MGAT5: variants seen among roughly 807,000 people sequenced by gnomAD.
The protein encoded by MGAT5 is alpha-1,6-mannosylglycoprotein 6-beta-N-acetylglucosaminyltransferase, also known as alpha-1,6-mannosylglycoprotein 6-beta-N-acetylglucosaminyltransferase A.
Under a neutral mutation model 94.3 loss-of-function variants are expected in MGAT5, and 30 were observed. The ratio of observed to expected loss-of-function variants is 0.32; its 90% CI spans 0.24 to 0.43. The LOEUF is 0.43. Among genes scored for constraint, MGAT5 ranks in the 20% least tolerant of loss-of-function variants. MGAT5 has a pLI of 1.00. For missense variants in MGAT5, 691 were observed against 905.5 expected (o/e 0.76, Z 3.04); for synonymous variants, 310 against 322.9 (o/e 0.96, Z 0.43).
intron 4 of MGAT5, among the ~76,000 whole-genome samples, chr2:134,333,758 G>A (rs1688153913): frequency 6.6e-6 from 1 of 152,120 alleles, no homozygotes; most frequent in Admixed American, 6.6e-5. Flanking sequence ...TTCCTTGAAT[G>A]TTATTAATGG....
At chr2:134,151,664 A>ACTCC (rs1558958624) in intron 1 of MGAT5, among the ~76,000 whole-genome samples, 5 of 93,234 alleles carry the variant, frequency 5.4e-5, no homozygotes, top group Admixed American at 9.5e-5. Flanking sequence ...GACCTCACTC[A>ACTCC]TGCCCTGTGG....
At position 134,448,685 on chromosome 2, in the gene MGAT5, G is replaced by C; in HGVS notation, c.2064G>C (p.Lys688Asn). Reference sequence around the variant, plus strand: ...CCTGCCAAAGCTCAGAGCTGGCCAAGGACATCCTGGTGCCCTCCTTTGACC... The same window carrying C: ...CCTGCCAAAGCTCAGAGCTGGCCAACGACATCCTGGTGCCCTCCTTTGACC... ...KVTCQSSELA[K>N]DILVPSFDPK... is the part of the protein sequence containing the mutation. Residue 688 changes from lysine to asparagine, a missense_variant, in exon 16 of 16, where the codon AAG becomes AAC. Physicochemically the swap from Lys to Asn is moderately conservative, Grantham distance 94. Transcript: ENST00000281923. 1 of 1,614,200 alleles carries C rather than the reference G, an allele frequency of 6.2e-7. No homozygotes were observed. Among genetic ancestry groups the C allele is most frequent in the Non-Finnish European group, 8.5e-7 (1 of 1,180,040 alleles).
rs149908886 is a variant in MGAT5, at chr2:134,295,056, A to G, written c.407-22473A>G. ...TGGCAAGTGTACCCTTTCTGTAGAA[A>G]GTAAAAATGGCCTTGCTAAGGAAAT... On this transcript the variant is annotated intron_variant, in intron 2 of 15. Transcript: ENST00000281923. 4.9e-3 allele frequency among the ~76,000 whole-genome samples: 745 copies of G among 152,302 alleles called. 3 individuals carry two copies. Among genetic ancestry groups the G allele is most frequent in the Non-Finnish European group, 6.5e-3 (443 of 68,024 alleles).
intron 14 of MGAT5, among the ~76,000 whole-genome samples, chr2:134,440,560 G>A (rs1198010718): frequency 1.3e-5 from 2 of 152,222 alleles, no homozygotes; most frequent in Non-Finnish European, 2.9e-5. Context: ...GGCACCCTGA[G>A]CTGCTGGGAT....
chr2:134,381,383 T>A (rs57518419), intron 10 of MGAT5, among the ~76,000 whole-genome samples: 7,995 of 62,798 alleles, frequency 0.13, 314 homozygotes, highest in African/African-American at 0.2. Flanking sequence ...TAAGATAGAT[T>A]AGATAGATAG....
intron 10 of MGAT5, among the ~76,000 whole-genome samples, chr2:134,365,918 G>A (rs1414254485): frequency 2.0e-5 from 3 of 152,032 alleles, no homozygotes; most frequent in South Asian, 2.1e-4. Context: ...TCATGACCAA[G>A]GTACTCAATG....
intron 12 of MGAT5, among the ~76,000 whole-genome samples, chr2:134,422,020 T>A (rs1472011911): frequency 1.3e-5 from 2 of 149,492 alleles, no homozygotes; most frequent in Non-Finnish European, 3.0e-5. Flanking sequence ...AAAAAAAAAA[T>A]TGTTTTTAAT....
chr2:134,131,426 C>T (rs1331350004), intron 1 of MGAT5, among the ~76,000 whole-genome samples: 1 of 152,170 alleles, frequency 6.6e-6, no homozygotes, highest in Non-Finnish European at 1.5e-5. Context: ...AATTAGTATT[C>T]TTTTCACTCT....
At chr2:134,121,075 G>A (rs1685556795) in intron 1 of MGAT5, among the ~76,000 whole-genome samples, 2 of 152,094 alleles carry the variant, frequency 1.3e-5, no homozygotes, top group Admixed American at 1.3e-4. Context: ...CCGGCCCTCA[G>A]CTCGCAAAGT....
chr2:134,261,462 C>G (rs1015741770), intron 1 of MGAT5, among the ~76,000 whole-genome samples: 1 of 152,160 alleles, frequency 6.6e-6, no homozygotes, highest in Non-Finnish European at 1.5e-5. Flanking sequence ...TGGGTGGTGG[C>G]TGAGCATTCG....
At chr2:134,388,532 G>A (rs376712019) in intron 10 of MGAT5, among the ~76,000 whole-genome samples, 5 of 151,834 alleles carry the variant, frequency 3.3e-5, no homozygotes, top group Non-Finnish European at 5.9e-5. Context: ...AGATTGTCTC[G>A]ATTTTTTCAT....
intron 1 of MGAT5, among the ~76,000 whole-genome samples, chr2:134,165,647 C>T (rs1287291717): frequency 6.6e-6 from 1 of 152,004 alleles, no homozygotes; most frequent in Non-Finnish European, 1.5e-5. Context: ...TGGTGGCGGG[C>T]GCCTGTAGTC....
intron 1 of MGAT5, among the ~76,000 whole-genome samples, chr2:134,202,933 G>A (rs543384633): frequency 1.3e-5 from 2 of 152,124 alleles, no homozygotes; most frequent in Non-Finnish European, 2.9e-5. Context: ...TCATGTAAAT[G>A]CGTGGGCCCA....
chr2:134,350,003 G>A (rs945900558), intron 9 of MGAT5, 65 bp downstream of exon 9: 34 of 1,576,426 alleles, frequency 2.2e-5, no homozygotes, highest in East Asian at 4.5e-5. Flanking sequence ...AAAATTAGCC[G>A]CCATCTATTT....
chr2:134,253,720 T>G (rs1682755366), upstream of MGAT5, among the ~76,000 whole-genome samples: 1 of 152,172 alleles, frequency 6.6e-6, no homozygotes, highest in Non-Finnish European at 1.5e-5. Flanking sequence ...AGCCATCTCA[T>G]CACTAAACAC....
At chr2:134,243,450 A>G (rs1262297821) in intron 1 of MGAT5, among the ~76,000 whole-genome samples, 1 of 152,144 alleles carries the variant, frequency 6.6e-6, no homozygotes, top group East Asian at 1.9e-4. Context: ...AGTTATTTGC[A>G]GTGTTTGGGA....
chr2:134,181,680 AAC>A (rs1353656264), intron 1 of MGAT5, among the ~76,000 whole-genome samples: 1 of 152,214 alleles, frequency 6.6e-6, no homozygotes, highest in African/African-American at 2.4e-5. Flanking sequence ...TGTATAGATA[AAC>A]ACATATATAT....
At chr2:134,381,378 T>TAA (rs756562496) in intron 10 of MGAT5, among the ~76,000 whole-genome samples, 1 of 71,588 alleles carries the variant, frequency 1.4e-5, no homozygotes, top group South Asian at 5.2e-4. Context: ...TAAGATAAGA[T>TAA]AGATTAGATA....
rs200372418 is a variant in MGAT5, at chr2:134,291,369, AG to A, written c.406+20821del. On this transcript the variant is annotated intron_variant, in intron 2 of 15. Transcript: ENST00000281923. ...AGGAGAAGATAGCTATTAGCTAACCAGGAAGAGGGTCCTCACCAGACACGGA... is the reference window on the plus strand; with the variant it reads ...AGGAGAAGATAGCTATTAGCTAACCAGAAGAGGGTCCTCACCAGACACGGA... Among the ~76,000 whole-genome samples the A allele has an allele frequency of 1.1e-3, 167 of 152,328 alleles. No homozygotes were observed. The East Asian group carries it at 0.028, about 25-fold the overall frequency.
Sources: gnomAD v4.1 joint callset for allele counts (sites outside exome capture counted in the v4.1 genomes callset) on GRCh38, gnomAD v4.1.1 for gene constraint, MANE v1.5 for transcripts, NCBI Gene and HGNC (gene_info 2026-07-23, HGNC 2026-07-21) for gene names.